The following LRP1B variants were observed in gnomAD, a reference collection of about 807,000 sequenced individuals.
LRP1B encodes low-density lipoprotein receptor-related protein 1B.
Under a neutral mutation model 556.6 loss-of-function variants are expected in LRP1B, and 217 were observed. That is an observed-to-expected ratio of 0.39 (90% confidence interval 0.35 to 0.44). LRP1B has a LOEUF of 0.44. Among genes scored for constraint, LRP1B ranks in the 20% least tolerant of loss-of-function variants. The pLI, the probability that LRP1B is intolerant of heterozygous loss-of-function variation, is 1.00. For synonymous variants in LRP1B, 2,047 were observed against 1,865.8 expected, an observed-to-expected ratio of 1.10 and a Z score of -2.50; for missense variants, 5,053 against 5,620.8, an observed-to-expected ratio of 0.90 and a Z score of 3.23.
intron 66 of LRP1B, among the ~76,000 whole-genome samples, chr2:140,430,786 G>A (rs1273990510): frequency 1.3e-5 from 2 of 152,100 alleles, no homozygotes; most frequent in African/African-American, 4.8e-5. Context: ...TTTCCATCCT[G>A]GAAATCTATC....
intron 41 of LRP1B, among the ~76,000 whole-genome samples, chr2:140,615,939 G>A (rs919598945): frequency 5.3e-5 from 8 of 151,902 alleles, no homozygotes; most frequent in African/African-American, 1.9e-4. Context: ...AGTCAGTTCT[G>A]TATCTCCAGA....
intron 7 of LRP1B, among the ~76,000 whole-genome samples, chr2:141,186,151 A>T (rs1681251549): frequency 6.7e-6 from 1 of 149,860 alleles, no homozygotes; most frequent in African/African-American, 2.4e-5. Flanking sequence ...TTGGGGGGTA[A>T]GGCAAATTTT....
At chr2:141,289,997 T>G (rs1685879408) in intron 3 of LRP1B, among the ~76,000 whole-genome samples, 1 of 152,192 alleles carries the variant, frequency 6.6e-6, no homozygotes, top group Non-Finnish European at 1.5e-5. Flanking sequence ...AATGAAGAAC[T>G]TGAGGCTCAG....
At chr2:140,250,709 TATATCAGAG>T (rs979253556) in intron 86 of LRP1B, among the ~76,000 whole-genome samples, 1 of 151,738 alleles carries the variant, frequency 6.6e-6, no homozygotes, top group Non-Finnish European at 1.5e-5. Flanking sequence ...TGGGGCCCCA[TATATCAGAG>T]AATTCAAGTA....
At chr2:141,622,057 A>G (rs532061134) in intron 2 of LRP1B, among the ~76,000 whole-genome samples, 29 of 151,876 alleles carry the variant, frequency 1.9e-4, no homozygotes, top group Admixed American at 6.6e-4. Context: ...ACACCCAGCT[A>G]ATTTTGTATT....
intron 6 of LRP1B, among the ~76,000 whole-genome samples, chr2:141,195,380 T>C (rs535745207): frequency 6.6e-6 from 1 of 152,260 alleles, no homozygotes; most frequent in African/African-American, 2.4e-5. Flanking sequence ...TGAGAGTCTC[T>C]ATAACAGAAC....
rs764032608 is a variant in LRP1B at position 140,478,825 on chromosome 2, G to A, written c.9426-3488C>T. ...AAATGAGAGAATATATGAAACAAAC[G>A]TAGAACATTGATAAGTATGTAGCAA... On this transcript the variant is annotated intron_variant, in intron 59 of 90. Transcript: ENST00000389484. Among the ~76,000 whole-genome samples the A allele has an allele frequency of 2.6e-5, 4 of 152,002 alleles. No homozygotes were observed. In the East Asian group the frequency reaches 5.8e-4, roughly 22 times the overall value.
chr2:141,202,985 T>C (rs1471195135), intron 6 of LRP1B, among the ~76,000 whole-genome samples: 2 of 152,056 alleles, frequency 1.3e-5, no homozygotes, highest in Non-Finnish European at 2.9e-5. Context: ...GATACTTGGT[T>C]TTCTATTCTG....
chr2:141,402,191 T>TG (rs1690473851), intron 3 of LRP1B, among the ~76,000 whole-genome samples: 1 of 152,176 alleles, frequency 6.6e-6, no homozygotes, highest in African/African-American at 2.4e-5. Context: ...GCCTCATGTA[T>TG]TTTAGCATAG....
At chr2:141,777,870 GTTTT>G (rs150222786) in intron 2 of LRP1B, among the ~76,000 whole-genome samples, 1 of 151,724 alleles carries the variant, frequency 6.6e-6, no homozygotes, top group Non-Finnish European at 1.5e-5. Flanking sequence ...TGATGTAATT[GTTTT>G]TTTTAATAAA....
intron 89 of LRP1B, among the ~76,000 whole-genome samples, chr2:140,237,167 C>T (rs192532723): frequency 6.6e-6 from 1 of 151,002 alleles, no homozygotes; most frequent in East Asian, 2.0e-4. Flanking sequence ...ACCTATTTTC[C>T]TTCCTCCTCC....
At chr2:140,617,844 A>T (rs1683312222) in intron 41 of LRP1B, among the ~76,000 whole-genome samples, 1 of 152,056 alleles carries the variant, frequency 6.6e-6, no homozygotes, top group African/African-American at 2.4e-5. Context: ...CTACTTAATT[A>T]GGAAAATTTT....
intron 77 of LRP1B, among the ~76,000 whole-genome samples, chr2:140,337,926 C>T (rs1353290988): frequency 6.6e-6 from 1 of 151,632 alleles, no homozygotes; most frequent in African/African-American, 2.4e-5. Flanking sequence ...ACCCAGTTTC[C>T]TAATGTTCAT....
intron 1 of LRP1B, among the ~76,000 whole-genome samples, chr2:142,097,458 G>T (rs1706416687): frequency 6.6e-6 from 1 of 151,528 alleles, no homozygotes; most frequent in South Asian, 2.1e-4. Flanking sequence ...TGTACTATTT[G>T]GAATAGCAAT....
chr2:141,311,591 A>G (rs1573788079), intron 3 of LRP1B, among the ~76,000 whole-genome samples: 2 of 152,110 alleles, frequency 1.3e-5, no homozygotes, highest in African/African-American at 4.8e-5. Flanking sequence ...TTGAGAGGTA[A>G]TAGAGGTAGG....
chr2:141,286,780 CAAGTGTATA>C (rs746570663), intron 3 of LRP1B: 1 of 428,970 alleles, frequency 2.3e-6, no homozygotes, highest in South Asian at 1.6e-5. Flanking sequence ...GTACATTGTA[CAAGTGTATA>C]AACTTGTTTA....
At chr2:140,427,654 C>T (rs951713765) in intron 66 of LRP1B, among the ~76,000 whole-genome samples, 6 of 152,186 alleles carry the variant, frequency 3.9e-5, no homozygotes, top group African/African-American at 1.4e-4. Context: ...TTCTTTTACA[C>T]ATCGGTCCAT....
intron 2 of LRP1B, among the ~76,000 whole-genome samples, chr2:141,704,099 T>C (rs1483317889): frequency 1.3e-5 from 2 of 151,952 alleles, no homozygotes; most frequent in African/African-American, 2.4e-5. Flanking sequence ...TCCATTTTAA[T>C]GAGAAAAATG....
Position 141,062,243 on chromosome 2 carries a change from G to A in LRP1B, c.1044C>T (p.Val348=), listed in dbSNP as rs200690342. The change falls in exon 8 of 91, where the codon GTC becomes GTT. Residue 348 remains valine (V), a synonymous_variant. Transcript: ENST00000389484. ...CCATGTCACATCTCTCCACTTTGGCGACATTCCCGTAGTCAGTAAAGAAAA... is the reference window on the plus strand; with the variant it reads ...CCATGTCACATCTCTCCACTTTGGCAACATTCCCGTAGTCAGTAAAGAAAA... ...GKLFFTDYGN[V]AKVERCDMDG... The A allele has an allele frequency of 2.0e-5, 32 of 1,610,832 alleles. No individual in the cohort carries two copies. Among genetic ancestry groups the A allele is most frequent in the South Asian group, 1.1e-4 (10 of 90,906 alleles).
Sources: allele counts gnomAD v4.1 joint callset (sites outside exome capture counted in the v4.1 genomes callset), GRCh38; gene constraint gnomAD v4.1.1; transcripts MANE v1.5; gene names NCBI Gene and HGNC (gene_info 2026-07-23, HGNC 2026-07-21).